SRCAP: variants seen among roughly 807,000 people sequenced by gnomAD.
SRCAP encodes chromatin remodeling protein SRCAP.
In SRCAP, 46 loss-of-function variants were observed where a neutral mutation model predicts 263.1. The observed-to-expected ratio is 0.17, with a 90% confidence interval of 0.14 to 0.22. The LOEUF (loss-of-function observed/expected upper bound fraction) is 0.22. SRCAP is among the 10% of genes least tolerant of loss of function. The pLI is 1.00. For synonymous variants in SRCAP, 1,813 were observed against 1,662.1 expected (o/e 1.09, Z -2.21); for missense variants, 3,695 against 4,181.9 (o/e 0.88, Z 3.21).
rs1356891310 is a variant in SRCAP at position 30,711,083 on chromosome 16, G to A, written c.1313G>A (p.Arg438Gln). 1.1e-5 allele frequency: 17 copies of A among 1,612,502 alleles called. No homozygotes were observed. The highest frequency in any genetic ancestry group is 2.2e-5 in the East Asian group (1 of 44,866). Residue 438 changes from arginine (R) to glutamine (Q), a missense_variant, in exon 10 of 34, where the codon CGA becomes CAA. Physicochemically the swap from Arg to Gln is conservative, Grantham distance 43. Transcript: ENST00000262518. ...DHAMELSELA[R>Q]EGELSMEELL... Reference sequence around the variant, plus strand: ...GCCATGGAGCTGAGCGAGTTGGCTCGAGAAGGTGACATTTACCAGACATTT... The same window carrying A: ...GCCATGGAGCTGAGCGAGTTGGCTCAAGAAGGTGACATTTACCAGACATTT...
At chr16:30,703,217 C>A (rs1312210450) in intron 3 of SRCAP, among the ~76,000 whole-genome samples, 1 of 151,166 alleles carries the variant, frequency 6.6e-6, no homozygotes, top group Non-Finnish European at 1.5e-5. Context: ...GACAGAGTCA[C>A]CCTGTCATCC....
At position 30,729,177 on chromosome 16, in the gene SRCAP, G is replaced by A. The variant is rs139158885; in HGVS notation, c.5870G>A (p.Arg1957Gln). The change falls in exon 26 of 34, where the codon CGG (arginine) becomes CAG (glutamine). Residue 1957 changes from arginine to glutamine, a missense_variant. Physicochemically the swap from Arg to Gln is conservative, Grantham distance 43. Around this residue, in one of 12 missense-constraint regions of SRCAP, gnomAD observed 1,347 missense variants for 1,304.4 expected, o/e 1.03. Transcript: ENST00000262518. ...TGGACTTATACCGAGGCTGCCCACCGGGCTGTACTGTTTCCCCAGCAGCGA... is the reference window on the plus strand; with the variant it reads ...TGGACTTATACCGAGGCTGCCCACCAGGCTGTACTGTTTCCCCAGCAGCGA... The part of the protein sequence containing the change: ...TFWTYTEAAH[R>Q]AVLFPQQRLD... 1.7e-4 allele frequency: 278 copies of A among 1,613,658 alleles called. 5 individuals carry two copies. The South Asian group carries it at 2.3e-3, about 14-fold the overall frequency.
intron 10 of SRCAP, among the ~76,000 whole-genome samples, 173 bp from the exon 11 acceptor site, chr16:30,711,398 C>G (rs1296466771): frequency 6.6e-6 from 1 of 152,200 alleles, no homozygotes; most frequent in African/African-American, 2.4e-5. Context: ...GTACTTCCCC[C>G]AGGTTGTGGG....
intron 6 of SRCAP, among the ~76,000 whole-genome samples, chr16:30,708,346 C>T (rs1567241175): frequency 6.6e-6 from 1 of 152,112 alleles, no homozygotes; most frequent in Non-Finnish European, 1.5e-5. Flanking sequence ...GTATCTGGGA[C>T]TACAGGCGCG....
Position 30,733,909 on chromosome 16 carries a change from G to C in SRCAP, c.6510G>C (p.Arg2170=). The C allele has an allele frequency of 6.2e-7, 1 of 1,614,130 alleles. No individual in the cohort carries two copies. The highest frequency in any genetic ancestry group is 8.5e-7 in the Non-Finnish European group (1 of 1,180,030). The change falls in exon 30 of 34, where the codon CGG becomes CGC. Residue 2170 remains arginine, a synonymous_variant. Transcript: ENST00000262518. This position sits in a 1 kb window ranked among gnomAD's most constrained non-coding sequence, Gnocchi z 5.3. ...CACCCCCTAGGCTTATCAGTGAACG[G>C]ACAGTGGAGGAGAACATCCTAAAAA... is the stretch of plus-strand genomic sequence containing the variant. ...DVHIYRLISE[R]TVEENILKKA...
intron 3 of SRCAP, among the ~76,000 whole-genome samples, chr16:30,703,383 G>T (rs1051270461): frequency 1.0e-4 from 15 of 150,174 alleles, no homozygotes; most frequent in Non-Finnish European, 2.2e-4. Flanking sequence ...CAGTAGAGAC[G>T]GGGTTTCACC....
Position 30,711,723 on chromosome 16 carries a change from G to C in SRCAP, c.1471G>C (p.Glu491Gln). 1 of 1,613,204 alleles carries C rather than the reference G, an allele frequency of 6.2e-7. No homozygotes were observed. The highest frequency in any genetic ancestry group is 8.5e-7 in the Non-Finnish European group (1 of 1,179,602). Reference protein sequence around the residue: ...GPVEAEEPPQEDSSSQSDSVE... With the variant: ...GPVEAEEPPQQDSSSQSDSVE... ...CGTGGAAGCGGAAGAGCCTCCTCAG[G>C]AGGATAGTAGCAGTCAGTCAGGTGA... is the stretch of plus-strand genomic sequence containing the variant. Residue 491 changes from glutamate (E) to glutamine (Q), a missense_variant, in exon 11 of 34, where the codon GAG becomes CAG. Coordinates refer to ENST00000262518, the MANE Select transcript of SRCAP (RefSeq NM_006662.3).
chr16:30,704,572 TCA>T (rs1220675748), intron 4 of SRCAP, among the ~76,000 whole-genome samples: 2 of 152,172 alleles, frequency 1.3e-5, no homozygotes, highest in African/African-American at 4.8e-5. Context: ...GCGCAGTGGC[TCA>T]CACCTGTAAT....
chr16:30,719,840 G>A (rs2052992619), intron 18 of SRCAP, among the ~76,000 whole-genome samples: 1 of 152,140 alleles, frequency 6.6e-6, no homozygotes, highest in Admixed American at 6.5e-5. Flanking sequence ...GGGTGTACAT[G>A]TGCAGGTTTC....
chr16:30,736,640 G>T lies in SRCAP; in HGVS notation c.7008+16G>T. The T allele has an allele frequency of 1.2e-6, 2 of 1,613,392 alleles. No homozygotes were observed. The highest frequency in any genetic ancestry group is 1.7e-6 in the Non-Finnish European group (2 of 1,179,416). On this transcript the variant is annotated intron_variant, in intron 33 of 33. Coordinates refer to ENST00000262518, the MANE Select transcript of SRCAP (RefSeq NM_006662.3). ...ACAGGCAGAAGTGAGTATTTCCAGG[G>T]GTGGGGCTGGCAGTTGGAAGCTGCT...
At position 30,724,949 on chromosome 16, in the gene SRCAP, C is replaced by G. The variant is rs768123294; in HGVS notation, c.5525C>G (p.Pro1842Arg). The G allele has an allele frequency of 4.3e-6, 7 of 1,614,212 alleles. No individual in the cohort carries two copies. The highest frequency in any genetic ancestry group is 5.9e-6 in the Non-Finnish European group (7 of 1,180,044). ...PLPVTMVSRL[P>R]VSKDEPDTLT... ...CCTGTCACCATGGTATCCCGGCTGC[C>G]TGTTTCCAAGGATGAGCCTGACACA... is the stretch of plus-strand genomic sequence containing the variant. The change falls in exon 25 of 34, where the codon CCT (proline) becomes CGT (arginine). Residue 1842 changes from proline to arginine, a missense_variant. Pro to Arg is a moderately radical substitution (Grantham distance 103). This residue lies in a region of SRCAP where 1,347 missense variants were observed against 1,304.4 expected (regional missense o/e 1.03). Transcript: ENST00000262518.
At chr16:30,734,343 A>G (rs2053139472) in intron 30 of SRCAP, 153 bp from the exon 31 acceptor site, 1 of 1,224,476 alleles carries the variant, frequency 8.2e-7, no homozygotes, top group Non-Finnish European at 1.1e-6. Context: ...CCGTCTCAAA[A>G]AAGAAAAAAC....
Position 30,709,509 on chromosome 16 carries a change from G to C in SRCAP, c.634-4G>C. The stretch of plus-strand genomic sequence containing the variant: ...GTGAGCAGTCCCTTTCACATCTGTG[G>C]CAGGTGGTGCAATTCAAGCAACAGT... On this transcript the variant is annotated splice_region_variant and splice_polypyrimidine_tract_variant and intron_variant, in intron 6 of 33. Transcript: ENST00000262518. 6.2e-7 allele frequency: 1 copy of C among 1,614,114 alleles called. No homozygotes were observed. The highest frequency in any genetic ancestry group is 8.5e-7 in the Non-Finnish European group (1 of 1,179,986).
Position 30,737,466 on chromosome 16 carries a change from A to G in SRCAP, c.7426A>G (p.Ile2476Val). The change falls in exon 34 of 34, where the codon ATT becomes GTT. Residue 2476 changes from isoleucine (I) to valine (V), a missense_variant. Around this residue, in one of 12 missense-constraint regions of SRCAP, gnomAD observed 1,207 missense variants for 1,142.9 expected, o/e 1.06. Coordinates refer to ENST00000262518, the MANE Select transcript of SRCAP (RefSeq NM_006662.3). ...CATTTCAGCCCCAAATCCAATAACC[A>G]TTCTCCCTGTCCATATCTTGCCTTC... The part of the protein sequence containing the change: ...VPISAPNPIT[I>V]LPVHILPSPP... 6.3e-7 allele frequency: 1 copy of G among 1,587,926 alleles called. No individual in the cohort carries two copies. The highest frequency in any genetic ancestry group is 2.3e-5 in the East Asian group (1 of 44,192).
chr16:30,734,118 G>C (rs900595887), intron 30 of SRCAP, 110 bp downstream of exon 30: 1 of 970,490 alleles, frequency 1.0e-6, no homozygotes, highest in Non-Finnish European at 1.5e-6. Flanking sequence ...TGAGGCAGGC[G>C]GATCACTTGA....
chr16:30,736,167 C>T, intron 31 of SRCAP, 33 bp from the exon 32 acceptor site: 5 of 1,611,522 alleles, frequency 3.1e-6, no homozygotes, highest in Non-Finnish European at 4.2e-6. Context: ...CTTGAAGTCT[C>T]ATGTTTTCTT....
In SRCAP at chr16:30,710,980, G is replaced by T. The variant is rs1456417734; in HGVS notation, c.1229-19G>T. ...TCTAGCCTCTATCCCTATTAATCTT[G>T]CTTCTGTCTCTTTCCTAGCGGAGGA... On this transcript the variant is annotated intron_variant, in intron 9 of 33. Transcript: ENST00000262518. The T allele has an allele frequency of 5.0e-6, 8 of 1,610,916 alleles. No individual in the cohort carries two copies. Among genetic ancestry groups the T allele is most frequent in the Non-Finnish European group, 5.9e-6 (7 of 1,177,210 alleles).
intron 3 of SRCAP, among the ~76,000 whole-genome samples, chr16:30,702,989 G>T (rs1016305920): frequency 6.6e-6 from 1 of 152,010 alleles, no homozygotes; most frequent in African/African-American, 2.4e-5. Flanking sequence ...AGGTTAAGGT[G>T]GCCTGGGATT....
In SRCAP at chr16:30,716,287, C is replaced by A; in HGVS notation, c.2631-6C>A. ...GACGTCTCATTTATTTTTCCTCTTT[C>A]CCCAGAACTAAGGAGACACTAGCCA... On this transcript the variant is annotated splice_polypyrimidine_tract_variant and splice_region_variant and intron_variant, in intron 17 of 33. Coordinates refer to ENST00000262518, the MANE Select transcript of SRCAP (RefSeq NM_006662.3). 6.2e-7 allele frequency: 1 copy of A among 1,613,722 alleles called. No individual in the cohort carries two copies. The highest frequency in any genetic ancestry group is 8.5e-7 in the Non-Finnish European group (1 of 1,179,734).
Sources: gnomAD v4.1 joint callset for allele counts (sites outside exome capture counted in the v4.1 genomes callset) on GRCh38, gnomAD v4.1.1 for gene constraint, gnomAD v4.1.1 regional missense constraint, Gnocchi (gnomAD v3.1) non-coding constraint, MANE v1.5 for transcripts, NCBI Gene and HGNC (gene_info 2026-07-23, HGNC 2026-07-21) for gene names.